SLC39A10: variants seen among roughly 807,000 people sequenced by gnomAD.
SLC39A10 encodes zinc transporter ZIP10.
SLC39A10 carries 13 observed loss-of-function variants against 65.1 expected under a neutral mutation model. That is an observed-to-expected ratio of 0.20 (90% CI 0.13 to 0.32). SLC39A10 has a LOEUF of 0.32. Ranked by LOEUF, SLC39A10 falls within the 10% of genes least tolerant of loss-of-function variation. The pLI is 1.00. For missense variants in SLC39A10, 831 were observed against 1,018.4 expected, an observed-to-expected ratio of 0.82 and a Z score of 2.50; for synonymous variants, 321 against 342.2, an observed-to-expected ratio of 0.94 and a Z score of 0.68.
chr2:195,731,480 A>G (rs1692431601), intron 9 of SLC39A10, among the ~76,000 whole-genome samples: 2 of 152,236 alleles, frequency 1.3e-5, no homozygotes, highest in African/African-American at 4.8e-5. Flanking sequence ...TGTCTTCCCC[A>G]CTAAGATGTC....
chr2:195,672,574 A>T (rs1689910017), intron 1 of SLC39A10, among the ~76,000 whole-genome samples: 1 of 152,232 alleles, frequency 6.6e-6, no homozygotes, highest in South Asian at 2.1e-4. Flanking sequence ...GTATTCCTAT[A>T]TTCTCTTAAA....
At chr2:195,678,562 GTTTTTTT>G (rs61430237) in intron 1 of SLC39A10, among the ~76,000 whole-genome samples, 8,988 of 128,020 alleles carry the variant, frequency 0.07, 404 homozygotes, top group African/African-American at 0.14. Context: ...TTTTAGTTAG[GTTTTTTT>G]TTTTTTTTTG....
Position 195,710,069 on chromosome 2 carries a change from C to T in SLC39A10, c.1575+1225C>T, listed in dbSNP as rs372518778. 8.5e-5 allele frequency among the ~76,000 whole-genome samples: 13 copies of T among 152,296 alleles called. 1 individual carries two copies. The highest frequency in any genetic ancestry group is 1.9e-4 in the African/African-American group (8 of 41,566). ...GCACCACTTTGGAGATGATGCTTGA[C>T]GCTTGGTTGAACTGTTGCTTAAATA... On this transcript the variant is annotated intron_variant, in intron 5 of 9. Transcript: ENST00000359634.
intron 2 of SLC39A10, among the ~76,000 whole-genome samples, chr2:195,640,403 C>T (rs1212087580): frequency 6.7e-6 from 1 of 150,210 alleles, no homozygotes; most frequent in Admixed American, 6.6e-5. Context: ...CCGAGGACAC[C>T]ACTAAAAATT....
chr2:195,646,212 T>C (rs541027384), intron 2 of SLC39A10, among the ~76,000 whole-genome samples: 72 of 152,186 alleles, frequency 4.7e-4, no homozygotes, highest in Non-Finnish European at 9.1e-4. Context: ...TCCCAAAGTG[T>C]TGGGATTACA....
At chr2:195,667,991 T>G (rs574472463) in intron 1 of SLC39A10, among the ~76,000 whole-genome samples, 1 of 152,372 alleles carries the variant, frequency 6.6e-6, no homozygotes, top group South Asian at 2.1e-4. Context: ...AGTCCCACTT[T>G]ATAAGTAGTA....
At chr2:195,657,801 C>G (rs1689216794) in intron 1 of SLC39A10, among the ~76,000 whole-genome samples, 1 of 147,646 alleles carries the variant, frequency 6.8e-6, no homozygotes, top group African/African-American at 2.7e-5. Flanking sequence ...GTCCTTCTCT[C>G]TGGTCTGTAA....
At chr2:195,646,371 C>A (rs1435885038) in intron 2 of SLC39A10, among the ~76,000 whole-genome samples, 1 of 152,178 alleles carries the variant, frequency 6.6e-6, no homozygotes, top group Admixed American at 6.5e-5. Flanking sequence ...CATGGGTTGT[C>A]CCTATCACAG....
intron 2 of SLC39A10, among the ~76,000 whole-genome samples, chr2:195,616,744 C>G (rs1412392930): frequency 6.6e-6 from 1 of 151,958 alleles, no homozygotes; most frequent in African/African-American, 2.4e-5. Flanking sequence ...GCTGGGACTA[C>G]AGGCTCCCGC....
upstream of SLC39A10, among the ~76,000 whole-genome samples, chr2:195,652,894 C>T (rs1226395645): frequency 6.6e-6 from 1 of 152,186 alleles, no homozygotes; most frequent in Non-Finnish European, 1.5e-5. Context: ...GCATTAGATT[C>T]TCATAGGAGC....
chr2:195,627,857 T>G (rs1688506180), intron 2 of SLC39A10, among the ~76,000 whole-genome samples: 2 of 152,214 alleles, frequency 1.3e-5, no homozygotes, highest in Non-Finnish European at 2.9e-5. Flanking sequence ...GGCTATCTCA[T>G]GCTTCTGGGA....
intron 3 of SLC39A10, among the ~76,000 whole-genome samples, chr2:195,695,451 C>T (rs1334195956): frequency 6.6e-6 from 1 of 152,194 alleles, no homozygotes; most frequent in Non-Finnish European, 1.5e-5. Flanking sequence ...GTCTCACTCC[C>T]ACCATTCCCC....
At chr2:195,705,096 G>A (rs969128517) in intron 3 of SLC39A10, among the ~76,000 whole-genome samples, 1 of 152,068 alleles carries the variant, frequency 6.6e-6, no homozygotes, top group African/African-American at 2.4e-5. Context: ...ACGCCAGGCC[G>A]CAATCCTCCT....
At chr2:195,703,778 C>T (rs1416478834) in intron 3 of SLC39A10, among the ~76,000 whole-genome samples, 1 of 152,140 alleles carries the variant, frequency 6.6e-6, no homozygotes, top group Non-Finnish European at 1.5e-5. Context: ...CTCAGCCTCC[C>T]AAGGAGCTTG....
chr2:195,730,106 A>C (rs559500922), intron 9 of SLC39A10, among the ~76,000 whole-genome samples: 1 of 150,476 alleles, frequency 6.6e-6, no homozygotes, highest in Non-Finnish European at 1.5e-5. Context: ...TGCCCTGCCC[A>C]TTGTTTATTT....
At chr2:195,711,699 T>G (rs1266565489) in intron 5 of SLC39A10, among the ~76,000 whole-genome samples, 2 of 152,250 alleles carry the variant, frequency 1.3e-5, no homozygotes, top group Non-Finnish European at 2.9e-5. Context: ...CACTAGATGT[T>G]GACTTGTTTC....
intron 8 of SLC39A10, among the ~76,000 whole-genome samples, chr2:195,720,345 T>C (rs576060227): frequency 6.6e-6 from 1 of 152,368 alleles, no homozygotes; most frequent in South Asian, 2.1e-4. Flanking sequence ...TTGGTTTTCT[T>C]CTTTTATAAA....
At chr2:195,695,458 C>T (rs1574281617) in intron 3 of SLC39A10, among the ~76,000 whole-genome samples, 1 of 152,168 alleles carries the variant, frequency 6.6e-6, no homozygotes. Flanking sequence ...TCCCACCATT[C>T]CCCCGGAGAA....
intron 3 of SLC39A10, among the ~76,000 whole-genome samples, chr2:195,701,145 T>G (rs2105802503): frequency 6.6e-6 from 1 of 152,044 alleles, no homozygotes; most frequent in East Asian, 1.9e-4. Flanking sequence ...TTCTTCAGCA[T>G]CAGTAATTTC....
Sources: allele counts gnomAD v4.1 joint callset (sites outside exome capture counted in the v4.1 genomes callset), GRCh38; gene constraint gnomAD v4.1.1; transcripts MANE v1.5; gene names NCBI Gene and HGNC (gene_info 2026-07-23, HGNC 2026-07-21).